Variants in CUX1 observed in about 807,000 individuals in gnomAD.
The protein encoded by CUX1 is cut like homeobox 1.
Under a neutral mutation model 158.8 loss-of-function variants are expected in CUX1, and 31 were observed. The ratio of observed to expected loss-of-function variants is 0.20; its 90% CI spans 0.15 to 0.26. The LOEUF (loss-of-function observed/expected upper bound fraction) is 0.26, where lower values mean the gene tolerates loss of function less well. CUX1 is among the 10% of genes least tolerant of loss of function. CUX1 has a pLI of 1.00. For synonymous variants in CUX1, 879 were observed against 862.1 expected, an observed-to-expected ratio of 1.02 and a Z score of -0.34; for missense variants, 1,589 against 2,014.6, an observed-to-expected ratio of 0.79 and a Z score of 4.04.
At chr7:102,059,121 C>T (rs560850728) in intron 3 of CUX1, among the ~76,000 whole-genome samples, 2 of 152,294 alleles carry the variant, frequency 1.3e-5, no homozygotes, top group East Asian at 3.9e-4. Context: ...ATCTTTCTTC[C>T]CCAAGACAGC....
intron 5 of CUX1, among the ~76,000 whole-genome samples, chr7:102,098,766 G>T (rs907639481): frequency 2.4e-4 from 35 of 145,588 alleles, no homozygotes; most frequent in African/African-American, 8.6e-4. Context: ...TCAGCCTCCC[G>T]AATAGCTGGG....
At chr7:101,895,877 G>T (rs965599521) in intron 1 of CUX1, among the ~76,000 whole-genome samples, 4 of 140,778 alleles carry the variant, frequency 2.8e-5, no homozygotes, top group Non-Finnish European at 6.1e-5. Context: ...ACGTTTCCTT[G>T]TATCACCTGT....
intron 3 of CUX1, among the ~76,000 whole-genome samples, chr7:102,043,552 G>T (rs1438411544): frequency 6.6e-6 from 1 of 151,996 alleles, no homozygotes; most frequent in African/African-American, 2.4e-5. Context: ...CACGCAGGGG[G>T]TCCTAGCACC....
At chr7:102,282,407 C>T (rs1792145043) in intron 21 of CUX1, among the ~76,000 whole-genome samples, 1 of 152,120 alleles carries the variant, frequency 6.6e-6, no homozygotes, top group African/African-American at 2.4e-5. Context: ...CTTGGGGACT[C>T]CTGTCCCCCG....
At chr7:102,003,433 C>T (rs548349370) in intron 2 of CUX1, among the ~76,000 whole-genome samples, 1 of 152,264 alleles carries the variant, frequency 6.6e-6, no homozygotes, top group Non-Finnish European at 1.5e-5. Flanking sequence ...CTTAGCTGCT[C>T]AGAAGGTGAC....
chr7:102,025,394 AAGGC>A (rs1176312559), intron 2 of CUX1, among the ~76,000 whole-genome samples: 1 of 152,194 alleles, frequency 6.6e-6, no homozygotes, highest in Non-Finnish European at 1.5e-5. Context: ...TCAGGAGACC[AAGGC>A]AGGCATATCG....
intron 2 of CUX1, among the ~76,000 whole-genome samples, chr7:101,928,227 T>A (rs1167462218): frequency 1.3e-5 from 2 of 151,890 alleles, no homozygotes; most frequent in Non-Finnish European, 2.9e-5. Context: ...GACCTCGGAG[T>A]CATTATGGGC....
intron 14 of CUX1, chr7:102,264,996 G>C (rs1554544800): frequency 6.6e-6 from 1 of 152,228 alleles, no homozygotes; most frequent in Non-Finnish European, 1.5e-5. Flanking sequence ...ACAGCACGAG[G>C]TCAGAGACAC....
intron 2 of CUX1, among the ~76,000 whole-genome samples, chr7:102,017,158 G>A (rs2129310166): frequency 6.6e-6 from 1 of 152,160 alleles, no homozygotes; most frequent in South Asian, 2.1e-4. Context: ...GCAAAAATTA[G>A]CCTGACGTGG....
chr7:102,101,571 C>T (rs1301011900), intron 5 of CUX1, among the ~76,000 whole-genome samples: 1 of 152,152 alleles, frequency 6.6e-6, no homozygotes, highest in South Asian at 2.1e-4. Flanking sequence ...CTGGAGCAAG[C>T]GTTAGCGTCC....
At chr7:102,003,406 A>G (rs979525054) in intron 2 of CUX1, among the ~76,000 whole-genome samples, 2 of 152,088 alleles carry the variant, frequency 1.3e-5, no homozygotes, top group African/African-American at 4.8e-5. Context: ...CAGTATGACA[A>G]TAAAGGGAAG....
chr7:102,040,587 G>A lies in CUX1; in HGVS notation c.189+12442G>A, dbSNP rs571213457. ...TGACAGATTCTAATCAAATAATTGG[G>A]GAAATAAAGTTGGGTGAACTACAGC... On this transcript the variant is annotated intron_variant, in intron 3 of 23. Transcript: ENST00000292535. Among the ~76,000 whole-genome samples, 4 of 152,296 alleles carry A rather than the reference G, an allele frequency of 2.6e-5. No homozygotes were observed. In the South Asian group the frequency reaches 8.3e-4, roughly 32 times the overall value.
chr7:102,095,895 G>A lies in CUX1; in HGVS notation c.269-1469G>A, dbSNP rs144517337. Among the ~76,000 whole-genome samples, 63 of 152,298 alleles carry A rather than the reference G, an allele frequency of 4.1e-4. 1 individual carries two copies. Among genetic ancestry groups the A allele is most frequent in the African/African-American group, 1.3e-3 (55 of 41,572 alleles). On this transcript the variant is annotated intron_variant, in intron 4 of 23. Transcript: ENST00000292535. The stretch of plus-strand genomic sequence containing the variant: ...AGTATGCCCCAGGTACCCAGCAGGC[G>A]GAATATAATTGCCTCTTAGGCAGCA...
intron 1 of CUX1, among the ~76,000 whole-genome samples, chr7:101,883,068 T>C (rs1030967699): frequency 6.6e-6 from 1 of 152,138 alleles, no homozygotes; most frequent in Non-Finnish European, 1.5e-5. Flanking sequence ...CAGTGACTGA[T>C]TTCAAACGCT....
intron 11 of CUX1, among the ~76,000 whole-genome samples, chr7:102,179,738 C>T (rs922203022): frequency 6.6e-6 from 1 of 152,220 alleles, no homozygotes; most frequent in Non-Finnish European, 1.5e-5. Context: ...CCAGGGGAGA[C>T]TCTCGGAGTT....
intron 13 of CUX1, among the ~76,000 whole-genome samples, chr7:102,195,285 A>G (rs1554517921): frequency 1.3e-5 from 2 of 152,218 alleles, no homozygotes; most frequent in Non-Finnish European, 2.9e-5. Context: ...CTAAGAAGGA[A>G]AATGACTTCA....
chr7:102,010,413 A>C (rs1430215967), intron 2 of CUX1, among the ~76,000 whole-genome samples: 1 of 151,862 alleles, frequency 6.6e-6, no homozygotes, highest in African/African-American at 2.4e-5. Flanking sequence ...AAAAAAAAAA[A>C]AAAACTGACT....
At chr7:101,911,015 A>G (rs1803369567) in intron 1 of CUX1, among the ~76,000 whole-genome samples, 1 of 152,260 alleles carries the variant, frequency 6.6e-6, no homozygotes, top group Non-Finnish European at 1.5e-5. Context: ...AGTGAGGAAA[A>G]CAGGATTCCA....
intron 8 of CUX1, among the ~76,000 whole-genome samples, chr7:102,132,028 C>T (rs1833298609): frequency 6.6e-6 from 1 of 151,802 alleles, no homozygotes; most frequent in Non-Finnish European, 1.5e-5. Flanking sequence ...ACACTAGGAG[C>T]AATTTTAGGT....
Sources: gnomAD v4.1 joint callset for allele counts (sites outside exome capture counted in the v4.1 genomes callset) on GRCh38, gnomAD v4.1.1 for gene constraint, MANE v1.5 for transcripts, NCBI Gene and HGNC (gene_info 2026-07-23, HGNC 2026-07-21) for gene names.